The following SLC9A9 variants were observed in gnomAD, a reference collection of about 807,000 sequenced individuals.
SLC9A9 encodes the protein solute carrier family 9 member A9.
In SLC9A9, 62 loss-of-function variants were observed where a neutral mutation model predicts 77.8. That is an observed-to-expected ratio of 0.80 (90% CI 0.65 to 0.98). The LOEUF is 0.98. SLC9A9 is among the 50% of genes least tolerant of loss of function. SLC9A9 has a pLI of 0.00. For missense variants in SLC9A9, 775 were observed against 774.9 expected, an observed-to-expected ratio of 1.00 and a Z score of 0.00; for synonymous variants, 320 against 283.5, an observed-to-expected ratio of 1.13 and a Z score of -1.29.
At chr3:143,617,655 T>G (rs1559995737) in intron 6 of SLC9A9, among the ~76,000 whole-genome samples, 1 of 152,206 alleles carries the variant, frequency 6.6e-6, no homozygotes, top group South Asian at 2.1e-4. Flanking sequence ...ATGGCAAGAA[T>G]TAGAGCTAAA....
At chr3:143,437,367 C>T (rs1044098554) in intron 12 of SLC9A9, among the ~76,000 whole-genome samples, 8 of 152,216 alleles carry the variant, frequency 5.3e-5, no homozygotes, top group South Asian at 2.1e-4. Flanking sequence ...CAGAACTGCC[C>T]TGGTCCTTGG....
chr3:143,758,167 A>G (rs1246296662), intron 4 of SLC9A9, among the ~76,000 whole-genome samples: 1 of 152,150 alleles, frequency 6.6e-6, no homozygotes. Flanking sequence ...GCCATTGCCA[A>G]CTCATGGTCG....
chr3:143,437,310 CCT>C (rs2034638437), intron 12 of SLC9A9, among the ~76,000 whole-genome samples: 1 of 152,238 alleles, frequency 6.6e-6, no homozygotes, highest in Non-Finnish European at 1.5e-5. Flanking sequence ...CACATTCCTT[CCT>C]CTGTTTGCTT....
chr3:143,844,570 G>T (rs909257310), intron 1 of SLC9A9, among the ~76,000 whole-genome samples: 4 of 152,152 alleles, frequency 2.6e-5, no homozygotes, highest in African/African-American at 9.7e-5. Flanking sequence ...TCATTGATAA[G>T]CATTAGGTGC....
At chr3:143,285,240 C>G (rs989787251) in intron 14 of SLC9A9, among the ~76,000 whole-genome samples, 2 of 152,148 alleles carry the variant, frequency 1.3e-5, no homozygotes, top group Non-Finnish European at 2.9e-5. Flanking sequence ...CCTAGCCCCC[C>G]ACACCCCAAC....
intron 14 of SLC9A9, among the ~76,000 whole-genome samples, chr3:143,328,024 T>C (rs1006862798): frequency 5.9e-5 from 9 of 152,256 alleles, no homozygotes; most frequent in Admixed American, 3.9e-4. Flanking sequence ...ACAAGTACTA[T>C]CTATTTTCTC....
intron 4 of SLC9A9, among the ~76,000 whole-genome samples, chr3:143,791,711 T>C (rs187477839): frequency 6.6e-6 from 1 of 152,358 alleles, no homozygotes; most frequent in Admixed American, 6.5e-5. Flanking sequence ...ACTTCCTCTA[T>C]GAAATTATTC....
At chr3:143,641,673 G>A (rs1051903097) in intron 6 of SLC9A9, among the ~76,000 whole-genome samples, 3 of 152,108 alleles carry the variant, frequency 2.0e-5, no homozygotes, top group Non-Finnish European at 4.4e-5. Context: ...GATTACAGGC[G>A]TGAGCCACTG....
intron 15 of SLC9A9, among the ~76,000 whole-genome samples, chr3:143,267,990 G>A (rs1050581309): frequency 4.6e-5 from 7 of 152,214 alleles, no homozygotes; most frequent in African/African-American, 7.2e-5. Context: ...TTTCTGAGGC[G>A]GGGCCTGAGA....
rs1937709186 is a variant in SLC9A9 at position 143,266,255 on chromosome 3, C to T, written c.*447G>A. On this transcript the variant is annotated 3_prime_UTR_variant, in exon 16 of 16. Transcript: ENST00000316549. ...AAGAAACTTATCACTTACTAAATAG[C>T]TGGGCATTCCCTTCAGCTTAGGAGC... 3.3e-6 allele frequency: 2 copies of T among 610,120 alleles called. No individual in the cohort carries two copies. Among genetic ancestry groups the T allele is most frequent in the Non-Finnish European group, 5.8e-6 (2 of 343,676 alleles). 37.8% of individuals were successfully genotyped at this position (610,120 alleles called of 1,614,324 possible). A position where few individuals can be genotyped will look rare whatever the true frequency, so the allele number is the denominator to read the frequency against.
At chr3:143,670,904 C>G (rs9846987) in intron 5 of SLC9A9, among the ~76,000 whole-genome samples, 107,776 of 152,110 alleles carry the variant, frequency 0.71, 39,607 homozygotes, top group Non-Finnish European at 0.8. Flanking sequence ...AAAGTGGGAA[C>G]TTGACTCTTG....
At chr3:143,525,156 C>T (rs2036383231) in intron 9 of SLC9A9, among the ~76,000 whole-genome samples, 1 of 152,068 alleles carries the variant, frequency 6.6e-6, no homozygotes, top group Non-Finnish European at 1.5e-5. Flanking sequence ...AAAATGCTAA[C>T]CAAAGGAGGA....
intron 4 of SLC9A9, among the ~76,000 whole-genome samples, chr3:143,788,161 G>A (rs60647667): frequency 2.6e-5 from 4 of 152,098 alleles, no homozygotes; most frequent in African/African-American, 9.7e-5. Flanking sequence ...AGTGTAATTA[G>A]TTATCCATTG....
intron 14 of SLC9A9, among the ~76,000 whole-genome samples, chr3:143,302,406 A>C (rs1280014728): frequency 6.6e-6 from 1 of 152,230 alleles, no homozygotes; most frequent in African/African-American, 2.4e-5. Context: ...ATAGAAAGAA[A>C]AAAACATTGA....
intron 4 of SLC9A9, among the ~76,000 whole-genome samples, chr3:143,725,174 C>A (rs1934607114): frequency 6.6e-6 from 1 of 152,076 alleles, no homozygotes; most frequent in Non-Finnish European, 1.5e-5. Context: ...TTTATTCTAG[C>A]CTGGTGATTG....
chr3:143,822,829 G>A (rs192828221), intron 2 of SLC9A9, among the ~76,000 whole-genome samples: 2 of 152,252 alleles, frequency 1.3e-5, no homozygotes, highest in East Asian at 3.9e-4. Context: ...CTCTCTCTCT[G>A]TTTTCTGTTC....
chr3:143,498,720 T>C (rs2035881071), intron 9 of SLC9A9, among the ~76,000 whole-genome samples: 1 of 152,144 alleles, frequency 6.6e-6, no homozygotes, highest in African/African-American at 2.4e-5. Context: ...CTCTTCTCTC[T>C]CACAATATCT....
chr3:143,682,612 T>C (rs1343428596), intron 5 of SLC9A9, among the ~76,000 whole-genome samples: 1 of 152,166 alleles, frequency 6.6e-6, no homozygotes, highest in Admixed American at 6.6e-5. Flanking sequence ...TATTATCTTA[T>C]ATTTCTGTAT....
intron 6 of SLC9A9, among the ~76,000 whole-genome samples, chr3:143,622,283 C>G (rs149073566): frequency 6.6e-6 from 1 of 150,948 alleles, no homozygotes; most frequent in Non-Finnish European, 1.5e-5. Flanking sequence ...AGATACTCCT[C>G]GAGAAGAGTA....
Sources: gnomAD v4.1 joint callset for allele counts (sites outside exome capture counted in the v4.1 genomes callset) on GRCh38, gnomAD v4.1.1 for gene constraint, MANE v1.5 for transcripts, NCBI Gene and HGNC (gene_info 2026-07-23, HGNC 2026-07-21) for gene names.